Variants in PCNX2 observed in about 807,000 individuals in gnomAD.
The protein encoded by PCNX2 is pecanex 2.
Under a neutral mutation model 223.8 loss-of-function variants are expected in PCNX2, and 168 were observed. The observed-to-expected ratio is 0.75, with a 90% CI of 0.66 to 0.85. The LOEUF is 0.85. Among genes scored for constraint, PCNX2 ranks in the 40% least tolerant of loss-of-function variants. The pLI, the probability that PCNX2 is intolerant of heterozygous loss-of-function variation, is 0.00. For synonymous variants in PCNX2, 1,006 were observed against 1,052.6 expected (o/e 0.96, Z 0.86); for missense variants, 2,507 against 2,675.5 (o/e 0.94, Z 1.39).
At chr1:232,984,683 C>T (rs987678678) in intron 33 of PCNX2, 4 of 535,256 alleles carry the variant, frequency 7.5e-6, no homozygotes, top group Admixed American at 7.2e-5. Context: ...GCATCTGAGA[C>T]ACAGGGGCTC....
intron 9 of PCNX2, among the ~76,000 whole-genome samples, chr1:233,229,439 G>C (rs542259605): frequency 6.6e-6 from 1 of 152,168 alleles, no homozygotes; most frequent in Non-Finnish European, 1.5e-5. Flanking sequence ...TTCTTTGCAT[G>C]ATGATGAACT....
intron 28 of PCNX2, among the ~76,000 whole-genome samples, chr1:233,007,861 T>A (rs1347086531): frequency 6.6e-6 from 1 of 151,936 alleles, no homozygotes; most frequent in African/African-American, 2.4e-5. Flanking sequence ...GTATTTTTAG[T>A]AGAGACAGGG....
intron 25 of PCNX2, among the ~76,000 whole-genome samples, chr1:233,040,338 C>G (rs533300152): frequency 6.6e-6 from 1 of 152,322 alleles, no homozygotes; most frequent in South Asian, 2.1e-4. Flanking sequence ...CTTTAGATTA[C>G]AGGATTGTCT....
chr1:233,040,288 C>T (rs2273673), intron 25 of PCNX2, among the ~76,000 whole-genome samples: 15,820 of 152,160 alleles, frequency 0.1, 1,228 homozygotes, highest in African/African-American at 0.22. Context: ...AGATCAACTT[C>T]GTTTCAGTTG....
chr1:233,169,463 G>A (rs1048241418), intron 17 of PCNX2, among the ~76,000 whole-genome samples: 2 of 151,652 alleles, frequency 1.3e-5, no homozygotes. Flanking sequence ...TGGCTAACAC[G>A]GTGAAACCCC....
At chr1:233,083,564 T>C (rs1673461814) in intron 23 of PCNX2, among the ~76,000 whole-genome samples, 1 of 152,216 alleles carries the variant, frequency 6.6e-6, no homozygotes, top group African/African-American at 2.4e-5. Flanking sequence ...CTTATGTCTA[T>C]ATTACAAACC....
chr1:233,004,258 A>G (rs1338163441), intron 28 of PCNX2, among the ~76,000 whole-genome samples: 2 of 152,114 alleles, frequency 1.3e-5, no homozygotes, highest in Admixed American at 6.6e-5. Context: ...TTTCAAGATT[A>G]TCCGGGTGTT....
chr1:233,101,494 T>C (rs1471474546), intron 21 of PCNX2, among the ~76,000 whole-genome samples: 2 of 152,186 alleles, frequency 1.3e-5, no homozygotes, highest in Admixed American at 6.5e-5. Flanking sequence ...TCTACCTCAG[T>C]AGACAATGTG....
intron 17 of PCNX2, among the ~76,000 whole-genome samples, chr1:233,175,636 G>A (rs2102852675): frequency 6.6e-6 from 1 of 152,190 alleles, no homozygotes; most frequent in Middle Eastern, 3.4e-3. Flanking sequence ...CCTTCTCCCT[G>A]TAAGTCTCCT....
rs572285962 is a variant in PCNX2, at chr1:233,221,034, G to A, written c.2505-2850C>T. 2.6e-5 allele frequency among the ~76,000 whole-genome samples: 4 copies of A among 152,268 alleles called. No individual in the cohort carries two copies. In the South Asian group the frequency reaches 6.2e-4, roughly 24 times the overall value. ...TTGGGCCTCCTAAACAAGGAAGGAT[G>A]GGAAACTCTGAGGACAACAGCCAGA... On this transcript the variant is annotated intron_variant, in intron 10 of 33. Transcript: ENST00000258229.
chr1:233,189,356 A>C (rs1680290809), intron 15 of PCNX2, among the ~76,000 whole-genome samples: 1 of 152,160 alleles, frequency 6.6e-6, no homozygotes, highest in South Asian at 2.1e-4. Flanking sequence ...TATGCTGTGA[A>C]CTGTTCTTTC....
chr1:233,005,135 A>G (rs1000941840), intron 28 of PCNX2, among the ~76,000 whole-genome samples: 2 of 152,222 alleles, frequency 1.3e-5, no homozygotes, highest in Non-Finnish European at 2.9e-5. Flanking sequence ...AAGTGCTAAA[A>G]TGAGAGAGCT....
chr1:233,217,868 A>G, intron 12 of PCNX2, 31 bp downstream of exon 12: 13 of 1,613,576 alleles, frequency 8.1e-6, no homozygotes, highest in Non-Finnish European at 1.1e-5. Context: ...GACAGACAAG[A>G]AAAGCTACTT....
At chr1:233,195,100 C>G (rs1680649024) in intron 15 of PCNX2, among the ~76,000 whole-genome samples, 1 of 150,612 alleles carries the variant, frequency 6.6e-6, no homozygotes, top group African/African-American at 2.4e-5. Flanking sequence ...TAATATTGAG[C>G]AATATATTTA....
chr1:233,229,008 A>C (rs1293836935), intron 9 of PCNX2, among the ~76,000 whole-genome samples: 2 of 152,222 alleles, frequency 1.3e-5, no homozygotes, highest in Non-Finnish European at 2.9e-5. Context: ...TGGAGGTGAC[A>C]TTGGCTTTTA....
intron 23 of PCNX2, among the ~76,000 whole-genome samples, chr1:233,089,152 T>A (rs909476476): frequency 6.6e-6 from 1 of 151,828 alleles, no homozygotes; most frequent in South Asian, 2.1e-4. Context: ...AAAAGACACA[T>A]TGTAAAATGC....
At chr1:233,013,643 T>G (rs1481121891) in intron 28 of PCNX2, among the ~76,000 whole-genome samples, 1 of 152,078 alleles carries the variant, frequency 6.6e-6, no homozygotes, top group Non-Finnish European at 1.5e-5. Context: ...CCATCAATAA[T>G]ATAATATAGA....
At chr1:233,035,779 G>A (rs964004271) in intron 25 of PCNX2, among the ~76,000 whole-genome samples, 1 of 152,154 alleles carries the variant, frequency 6.6e-6, no homozygotes, top group African/African-American at 2.4e-5. Flanking sequence ...ATCAGATATG[G>A]CCATTTCTGA....
At chr1:233,152,990 C>A (rs1298126511) in intron 19 of PCNX2, among the ~76,000 whole-genome samples, 1 of 152,250 alleles carries the variant, frequency 6.6e-6, no homozygotes, top group East Asian at 1.9e-4. Context: ...CCCACCCAGT[C>A]TTGTCCAAGG....
Sources: gnomAD v4.1 joint callset for allele counts (sites outside exome capture counted in the v4.1 genomes callset) on GRCh38, gnomAD v4.1.1 for gene constraint, MANE v1.5 for transcripts, NCBI Gene and HGNC (gene_info 2026-07-23, HGNC 2026-07-21) for gene names.